Variants in PLPPR1 observed in about 807,000 individuals in gnomAD.
PLPPR1 encodes phospholipid phosphatase related 1.
PLPPR1 carries 10 observed loss-of-function variants against 33.1 expected under a neutral mutation model. That is an observed-to-expected ratio of 0.30 (90% confidence interval 0.19 to 0.51). PLPPR1 has a LOEUF of 0.51. Among genes scored for constraint, PLPPR1 ranks in the 20% least tolerant of loss-of-function variants. PLPPR1 has a pLI of 0.97. For synonymous variants in PLPPR1, 151 were observed against 151.0 expected (o/e 1.00, Z 0.00); for missense variants, 304 against 408.1 (o/e 0.74, Z 2.20).
chr9:101,111,138 G>A (rs1415066050), intron 1 of PLPPR1, among the ~76,000 whole-genome samples: 2 of 152,234 alleles, frequency 1.3e-5, no homozygotes, highest in South Asian at 2.1e-4. Flanking sequence ...AACATGACTA[G>A]CGGTGGGGTA....
intron 2 of PLPPR1, among the ~76,000 whole-genome samples, chr9:101,235,042 C>T (rs1056865830): frequency 2.0e-5 from 3 of 151,676 alleles, no homozygotes; most frequent in Non-Finnish European, 2.9e-5. Flanking sequence ...ATAATTATAC[C>T]TGACATCTAG....
chr9:101,135,840 G>C (rs554601224), intron 1 of PLPPR1, among the ~76,000 whole-genome samples: 1 of 152,178 alleles, frequency 6.6e-6, no homozygotes, highest in East Asian at 1.9e-4. Flanking sequence ...TTCCCTTCCT[G>C]CCTCTGTCTG....
At chr9:101,304,944 C>A (rs1028206178) in intron 4 of PLPPR1, among the ~76,000 whole-genome samples, 5 of 152,122 alleles carry the variant, frequency 3.3e-5, no homozygotes, top group Non-Finnish European at 5.9e-5. Context: ...CCTGCCACCT[C>A]CTGTTGAGTT....
chr9:101,066,190 T>C (rs1830411254), intron 1 of PLPPR1, among the ~76,000 whole-genome samples: 1 of 152,026 alleles, frequency 6.6e-6, no homozygotes, highest in Non-Finnish European at 1.5e-5. Flanking sequence ...TCAATTTGGG[T>C]TTGTCTGATA....
At chr9:101,137,635 G>C (rs1389645542) in intron 1 of PLPPR1, among the ~76,000 whole-genome samples, 1 of 152,130 alleles carries the variant, frequency 6.6e-6, no homozygotes, top group African/African-American at 2.4e-5. Context: ...CTGCATACTG[G>C]ACATGGCAGC....
chr9:101,317,482 A>C lies in PLPPR1; in HGVS notation c.931A>C (p.Thr311Pro), dbSNP rs1172368348. ...CCCAAGGATAGAAAGCCCTCTGGAA[A>C]CCTTAAGTGCACAGGTATGGTAAAG... ...AFPRIESPLE[T>P]LSAQNHSASM... Residue 311 changes from threonine (T) to proline (P), a missense_variant, in exon 7 of 8, where the codon ACC (threonine) becomes CCC (proline). Transcript: ENST00000374874. 1.2e-6 allele frequency: 2 copies of C among 1,613,782 alleles called. No individual in the cohort carries two copies. The highest frequency in any genetic ancestry group is 3.3e-4 in the Middle Eastern group (2 of 6,062).
chr9:101,303,051 A>G (rs1188892401), intron 4 of PLPPR1, among the ~76,000 whole-genome samples: 2 of 152,156 alleles, frequency 1.3e-5, no homozygotes, highest in Non-Finnish European at 2.9e-5. Context: ...CAGTGGCACA[A>G]TCTCAGCTCA....
intron 2 of PLPPR1, among the ~76,000 whole-genome samples, chr9:101,268,305 G>T (rs570684850): frequency 1.3e-5 from 2 of 151,698 alleles, no homozygotes; most frequent in South Asian, 4.2e-4. Flanking sequence ...AAAAGAAAAT[G>T]ATGCTAATCT....
intron 1 of PLPPR1, among the ~76,000 whole-genome samples, chr9:101,128,023 G>T (rs568710962): frequency 6.6e-6 from 1 of 152,280 alleles, no homozygotes; most frequent in South Asian, 2.1e-4. Flanking sequence ...AAGGATTAAG[G>T]TTAACAGAAT....
At chr9:101,319,105 G>A (rs2118969794) in intron 7 of PLPPR1, among the ~76,000 whole-genome samples, 1 of 152,214 alleles carries the variant, frequency 6.6e-6, no homozygotes, top group Admixed American at 6.5e-5. Flanking sequence ...TCATATCAGT[G>A]CAATATAAAA....
chr9:101,183,167 T>C (rs1826147248), intron 1 of PLPPR1, among the ~76,000 whole-genome samples: 2 of 151,766 alleles, frequency 1.3e-5, no homozygotes, highest in South Asian at 4.1e-4. Context: ...AATGAAAATA[T>C]AAATCCACAC....
At position 101,127,839 on chromosome 9, in the gene PLPPR1, C is replaced by A. The variant is rs181047680; in HGVS notation, c.-45-57611C>A. Among the ~76,000 whole-genome samples, 110 of 152,230 alleles carry A rather than the reference C, an allele frequency of 7.2e-4. 1 individual carries two copies. Among genetic ancestry groups the A allele is most frequent in the Non-Finnish European group, 1.4e-3 (94 of 68,018 alleles). ...ACATGCAAGCCTTGCCCCAGCTTCT[C>A]CCAACACTCATCTTTTCCCAGGAAG... On this transcript the variant is annotated intron_variant, in intron 1 of 7. Transcript: ENST00000374874.
intron 1 of PLPPR1, among the ~76,000 whole-genome samples, chr9:101,177,084 A>G (rs1826029610): frequency 6.6e-6 from 1 of 152,144 alleles, no homozygotes; most frequent in African/African-American, 2.4e-5. Flanking sequence ...TTTGCTCAAG[A>G]TTGCTTTGGC....
chr9:101,316,724 G>A (rs553088377), intron 6 of PLPPR1, among the ~76,000 whole-genome samples: 23 of 151,816 alleles, frequency 1.5e-4, no homozygotes, highest in Non-Finnish European at 2.2e-4. Context: ...AAATGGAAGC[G>A]ATAAAAGAAA....
chr9:101,073,529 A>G (rs1292941097), intron 1 of PLPPR1, among the ~76,000 whole-genome samples: 1 of 151,724 alleles, frequency 6.6e-6, no homozygotes, highest in Non-Finnish European at 1.5e-5. Context: ...GTCTTCCCTC[A>G]GTTCATTAGC....
intron 1 of PLPPR1, among the ~76,000 whole-genome samples, chr9:101,040,912 G>T (rs1250202054): frequency 6.6e-6 from 1 of 151,842 alleles, no homozygotes; most frequent in Non-Finnish European, 1.5e-5. Flanking sequence ...TTTAATAAAT[G>T]AACAAAAGAA....
At chr9:101,267,077 A>G (rs1336912645) in intron 2 of PLPPR1, among the ~76,000 whole-genome samples, 1 of 152,336 alleles carries the variant, frequency 6.6e-6, no homozygotes, top group Non-Finnish European at 1.5e-5. Flanking sequence ...CATGACACAC[A>G]CAAAAATCCC....
chr9:101,158,071 C>T (rs898645129), intron 1 of PLPPR1, among the ~76,000 whole-genome samples: 5 of 151,978 alleles, frequency 3.3e-5, no homozygotes, highest in African/African-American at 7.2e-5. Flanking sequence ...ATGGTTTCTA[C>T]AGTGTTACAA....
intron 2 of PLPPR1, among the ~76,000 whole-genome samples, chr9:101,256,381 G>GAGAT (rs144054089): frequency 0.019 from 2,822 of 152,190 alleles, 33 homozygotes; most frequent in Middle Eastern, 0.085. Context: ...AAGTCTTTTA[G>GAGAT]AGATATAGAT....
Sources: gnomAD v4.1 joint callset for allele counts (sites outside exome capture counted in the v4.1 genomes callset) on GRCh38, gnomAD v4.1.1 for gene constraint, MANE v1.5 for transcripts, NCBI Gene and HGNC (gene_info 2026-07-23, HGNC 2026-07-21) for gene names.